Variants in CTDNEP1 observed in about 807,000 individuals in gnomAD.
CTDNEP1 encodes the protein C-terminal domain nuclear envelope phosphatase 1.
A neutral mutation model predicts 30.1 loss-of-function variants in CTDNEP1; 3 were observed. That is an observed-to-expected ratio of 0.10 (90% CI 0.05 to 0.26). The LOEUF (loss-of-function observed/expected upper bound fraction) is 0.26, where lower values mean the gene tolerates loss of function less well. Among genes scored for constraint, CTDNEP1 ranks in the 10% least tolerant of loss-of-function variants. The probability of loss-of-function intolerance (pLI) is 1.00; values close to 1 mark genes in which losing one functional copy is unlikely to be tolerated. For missense variants in CTDNEP1, 158 were observed against 310.4 expected, an observed-to-expected ratio of 0.51 and a Z score of 3.69; for synonymous variants, 123 against 118.8, an observed-to-expected ratio of 1.04 and a Z score of -0.23.
In CTDNEP1 at chr17:7,247,290, G is replaced by A. The variant is rs372007252; in HGVS notation, c.156C>T (p.Ser52=). The change falls in exon 2 of 8, where the codon TCC becomes TCT. Residue 52 remains serine, a synonymous_variant. Transcript: ENST00000574322. ...CCACATACTTACCTAGCCGATTCCG[G>A]GACACAGGAGATAAGGGGAGGATAT... is the stretch of plus-strand genomic sequence containing the variant. The part of the protein sequence containing the change: ...RYDILPLSPV[S]RNRLAQVKRK... 3 of 1,613,788 alleles carry A rather than the reference G, an allele frequency of 1.9e-6. No individual in the cohort carries two copies. The highest frequency in any genetic ancestry group is 2.7e-5 in the African/African-American group (2 of 74,868).
intron 7 of CTDNEP1, 59 bp downstream of exon 7, chr17:7,244,492 G>C: frequency 6.8e-7 from 1 of 1,469,884 alleles, no homozygotes; most frequent in Non-Finnish European, 9.5e-7. Context: ...TTCCCTCTGA[G>C]GATCCCCCAC....
Position 7,245,390 on chromosome 17 carries a change from G to T in CTDNEP1, c.589+636C>A, listed in dbSNP as rs1567586739. On this transcript the variant is annotated intron_variant, in intron 6 of 7. Coordinates refer to ENST00000574322, the MANE Select transcript of CTDNEP1 (RefSeq NM_001143775.2). ...GAGGCAGAAGGATCACTTGAGCCTGGGAGATCGAGGCTGCAGTGAGCTATG... is the reference window on the plus strand; with the variant it reads ...GAGGCAGAAGGATCACTTGAGCCTGTGAGATCGAGGCTGCAGTGAGCTATG... Among the ~76,000 whole-genome samples, 10 of 152,192 alleles carry T rather than the reference G, an allele frequency of 6.6e-5. 1 individual carries two copies. In the South Asian group the frequency reaches 1.9e-3, roughly 28 times the overall value.
rs760900233 is a variant in CTDNEP1 at position 7,246,879 on chromosome 17, TG to T, written c.289-18del. The T allele has an allele frequency of 2.6e-5, 42 of 1,611,230 alleles. No individual in the cohort carries two copies. In the African/African-American group the frequency reaches 5.2e-4, roughly 20 times the overall value. On this transcript the variant is annotated intron_variant, in intron 3 of 7. Coordinates refer to ENST00000574322, the MANE Select transcript of CTDNEP1 (RefSeq NM_001143775.2). The surrounding 1 kb of genome is among the most constrained non-coding windows in gnomAD (Gnocchi z 4.9). ...TATTACCACCTACAGAGGAACAAGATGGGCTGGGGGATGTCATGACCACCAC... is the reference window on the plus strand; with the variant it reads ...TATTACCACCTACAGAGGAACAAGATGGCTGGGGGATGTCATGACCACCAC...
chr17:7,245,301 T>A (rs1430210732), intron 6 of CTDNEP1, among the ~76,000 whole-genome samples: 6 of 149,416 alleles, frequency 4.0e-5, no homozygotes, highest in Admixed American at 2.7e-4. Context: ...CAAAAAAAAA[T>A]AAAAAATAAA....
rs2071924233 is a variant in CTDNEP1 at position 7,251,455 on chromosome 17, CT to C, written c.-160del. ...GAGCGGGCGGCTCAGAAAGCCACCC[CT>C]GGCGAGGGTAAAGCCCAGCGGAACG... On this transcript the variant is annotated 5_prime_UTR_variant, in exon 1 of 8. It removes the in-frame stop codon of an upstream open reading frame in the 5' UTR. Coordinates refer to ENST00000574322, the MANE Select transcript of CTDNEP1 (RefSeq NM_001143775.2). The C allele has an allele frequency of 2.2e-6, 1 of 448,414 alleles. No homozygotes were observed. The highest frequency in any genetic ancestry group is 3.8e-6 in the Non-Finnish European group (1 of 261,948). The allele number at this position is 448,414 out of a possible 1,614,324, so 27.8% of individuals were successfully genotyped here.
chr17:7,246,000 G>T, intron 6 of CTDNEP1, 26 bp downstream of exon 6: 1 of 1,508,848 alleles, frequency 6.6e-7, no homozygotes, highest in Non-Finnish European at 9.2e-7. Flanking sequence ...TTCTGGTCCT[G>T]CCAGACTCAC....
rs754156391 is a variant in CTDNEP1, at chr17:7,244,137, G to A, written c.*48C>T. 5.0e-5 allele frequency: 80 copies of A among 1,611,268 alleles called. No individual in the cohort carries two copies. Among genetic ancestry groups the A allele is most frequent in the East Asian group, 4.2e-4 (19 of 44,838 alleles). On this transcript the variant is annotated 3_prime_UTR_variant, in exon 8 of 8. Coordinates refer to ENST00000574322, the MANE Select transcript of CTDNEP1 (RefSeq NM_001143775.2). ...GCATCAGACGGCATCCCAAGGGCTC[G>A]CCCTCCCTTTCCCCCCCACCCCAAC... is the stretch of plus-strand genomic sequence containing the variant.
In CTDNEP1 at chr17:7,244,086, C is replaced by A; in HGVS notation, c.*99G>T. ...AGAGGGGTGGGAGGGGCAGACCCTG[C>A]CCAGGCAGTCCTCACATTGGACAGG... On this transcript the variant is annotated 3_prime_UTR_variant, in exon 8 of 8. Coordinates refer to ENST00000574322, the MANE Select transcript of CTDNEP1 (RefSeq NM_001143775.2). The A allele has an allele frequency of 6.4e-7, 1 of 1,562,998 alleles. No individual in the cohort carries two copies. Among genetic ancestry groups the A allele is most frequent in the South Asian group, 1.2e-5 (1 of 86,660 alleles).
rs1435155266 is a variant in CTDNEP1, at chr17:7,243,945, T to C, written c.*240A>G. On this transcript the variant is annotated 3_prime_UTR_variant, in exon 8 of 8. Transcript: ENST00000574322. ...CGGCTCTCCTAGGCTTCCGCCTGTG[T>C]CCCAGTCTGGGGTTTCCATGGAGTG... 13 of 1,362,306 alleles carry C rather than the reference T, an allele frequency of 9.5e-6. No homozygotes were observed. Among genetic ancestry groups the C allele is most frequent in the Non-Finnish European group, 1.2e-5 (13 of 1,055,044 alleles). The allele number at this position is 1,362,306 out of a possible 1,614,324, so 84.4% of individuals were successfully genotyped here.
chr17:7,247,285 T>C lies in CTDNEP1; in HGVS notation c.161A>G (p.Asn54Ser). 8.7e-6 allele frequency: 14 copies of C among 1,614,026 alleles called. No homozygotes were observed. Among genetic ancestry groups the C allele is most frequent in the Non-Finnish European group, 1.2e-5 (14 of 1,179,974 alleles). Residue 54 changes from asparagine (N) to serine (S), a missense_variant, in exon 2 of 8, where the codon AAT becomes AGT. Coordinates refer to ENST00000574322, the MANE Select transcript of CTDNEP1 (RefSeq NM_001143775.2). Reference sequence around the variant, plus strand: ...TCCCACCACATACTTACCTAGCCGATTCCGGGACACAGGAGATAAGGGGAG... The same window carrying C: ...TCCCACCACATACTTACCTAGCCGACTCCGGGACACAGGAGATAAGGGGAG... ...DILPLSPVSR[N>S]RLAQVKRKIL...
Position 7,243,944 on chromosome 17 carries a change from G to C in CTDNEP1, c.*241C>G, listed in dbSNP as rs1319376742. 12 of 1,361,040 alleles carry C rather than the reference G, an allele frequency of 8.8e-6. No homozygotes were observed. The highest frequency in any genetic ancestry group is 1.1e-5 in the Non-Finnish European group (12 of 1,054,192). The allele number at this position is 1,361,040 out of a possible 1,614,324, so 84.3% of individuals were successfully genotyped here. ...TCGGCTCTCCTAGGCTTCCGCCTGT[G>C]TCCCAGTCTGGGGTTTCCATGGAGT... On this transcript the variant is annotated 3_prime_UTR_variant, in exon 8 of 8. Transcript: ENST00000574322.
chr17:7,246,212 C>T lies in CTDNEP1; in HGVS notation c.477+42G>A. The T allele has an allele frequency of 6.3e-7, 1 of 1,578,396 alleles. No homozygotes were observed. The highest frequency in any genetic ancestry group is 8.7e-7 in the Non-Finnish European group (1 of 1,147,474). On this transcript the variant is annotated intron_variant, in intron 5 of 7. Coordinates refer to ENST00000574322, the MANE Select transcript of CTDNEP1 (RefSeq NM_001143775.2). The surrounding 1 kb of genome is among the most constrained non-coding windows in gnomAD (Gnocchi z 4.9). ...CAAACCCAGATCCCTCCCTGGTGGCCTCCCTCCCAAGCCACACTCTTAGAC... is the reference window on the plus strand; with the variant it reads ...CAAACCCAGATCCCTCCCTGGTGGCTTCCCTCCCAAGCCACACTCTTAGAC...
intron 6 of CTDNEP1, 152 bp downstream of exon 6, chr17:7,245,874 G>A (rs529679137): frequency 1.7e-6 from 1 of 587,050 alleles, no homozygotes; most frequent in Non-Finnish European, 3.1e-6. Context: ...TATCTCATTT[G>A]AAACACAAAA....
intron 1 of CTDNEP1, among the ~76,000 whole-genome samples, chr17:7,248,646 C>T (rs919111751): frequency 2.0e-5 from 3 of 152,068 alleles, no homozygotes; most frequent in Non-Finnish European, 4.4e-5. Context: ...CAAGAGCCAC[C>T]ACCCCCGGCC....
Position 7,247,054 on chromosome 17 carries a change from C to G in CTDNEP1, c.288+10G>C. On this transcript the variant is annotated intron_variant, in intron 3 of 7. Coordinates refer to ENST00000574322, the MANE Select transcript of CTDNEP1 (RefSeq NM_001143775.2). ...ATGGAACCATTTCATCACTCCCCAC[C>G]ACCACACACCTTGAGGATGAAGTCA... 1 of 1,593,732 alleles carries G rather than the reference C, an allele frequency of 6.3e-7. No homozygotes were observed. The highest frequency in any genetic ancestry group is 8.6e-7 in the Non-Finnish European group (1 of 1,163,132).
chr17:7,250,794 T>TA (rs1205356421), intron 1 of CTDNEP1, among the ~76,000 whole-genome samples: 1 of 152,108 alleles, frequency 6.6e-6, no homozygotes, highest in African/African-American at 2.4e-5. Flanking sequence ...TCTTCCTTGT[T>TA]ATAGGACCAA....
At position 7,247,708 on chromosome 17, in the gene CTDNEP1, C is replaced by T. The variant is rs75081883; in HGVS notation, c.103-365G>A. On this transcript the variant is annotated intron_variant, in intron 1 of 7. Transcript: ENST00000574322. Reference sequence around the variant, plus strand: ...GGTCTCAAACTCCTGACCTTGTGATCCTCCTGCCTTTGCCTCCCAAAGTGC... The same window carrying T: ...GGTCTCAAACTCCTGACCTTGTGATTCTCCTGCCTTTGCCTCCCAAAGTGC... Among the ~76,000 whole-genome samples, 913 of 151,924 alleles carry T rather than the reference C, an allele frequency of 6.0e-3. 6 individuals are homozygous for T. Among genetic ancestry groups the T allele is most frequent in the African/African-American group, 0.021 (872 of 41,440 alleles).
intron 6 of CTDNEP1, 72 bp from the exon 7 acceptor site, chr17:7,244,707 G>A: frequency 1.7e-6 from 2 of 1,180,512 alleles, no homozygotes; most frequent in South Asian, 1.5e-5. Context: ...TTCTTGGAGG[G>A]AAGGAGGAAT....
chr17:7,245,875 A>C, intron 6 of CTDNEP1, 151 bp downstream of exon 6: 1 of 590,314 alleles, frequency 1.7e-6, no homozygotes, highest in East Asian at 2.8e-5. Flanking sequence ...ATCTCATTTG[A>C]AACACAAAAA....
Sources: allele counts gnomAD v4.1 joint callset (sites outside exome capture counted in the v4.1 genomes callset), GRCh38; gene constraint gnomAD v4.1.1; non-coding constraint Gnocchi (gnomAD v3.1); transcripts MANE v1.5; gene names NCBI Gene and HGNC (gene_info 2026-07-23, HGNC 2026-07-21).